The following FREM2 variants were observed in gnomAD, a reference collection of about 807,000 sequenced individuals.
FREM2 encodes the protein FRAS1 related extracellular matrix 2.
FREM2 carries 119 observed loss-of-function variants against 219.9 expected under a neutral mutation model. That is an observed-to-expected ratio of 0.54 (90% CI 0.47 to 0.63). FREM2 has a LOEUF of 0.63. FREM2 is among the 30% of genes least tolerant of loss of function. The pLI is 0.00. For synonymous variants in FREM2, 1,562 were observed against 1,522.8 expected, an observed-to-expected ratio of 1.03 and a Z score of -0.60; for missense variants, 4,030 against 3,993.6, an observed-to-expected ratio of 1.01 and a Z score of -0.25.
Position 38,847,498 on chromosome 13 carries a change from C to A in FREM2, c.6169+776C>A, listed in dbSNP as rs1877208494. On this transcript the variant is annotated intron_variant, in intron 7 of 23. Coordinates refer to ENST00000280481, the MANE Select transcript of FREM2 (RefSeq NM_207361.6). ...TTGCACGTAGCAGGTGCCCATTAAA[C>A]CTTTGTTTAACTAAATTAATCATTT... is the stretch of plus-strand genomic sequence containing the variant. Among the ~76,000 whole-genome samples, 3 of 151,944 alleles carry A rather than the reference C, an allele frequency of 2.0e-5. No individual in the cohort carries two copies. In the South Asian group the frequency reaches 6.2e-4, roughly 32 times the overall value.
chr13:38,761,285 A>G (rs1873214232), intron 2 of FREM2, among the ~76,000 whole-genome samples: 1 of 152,172 alleles, frequency 6.6e-6, no homozygotes, highest in Non-Finnish European at 1.5e-5. Context: ...TTGGTAGAGC[A>G]TGACAAGAAG....
At chr13:38,761,570 ATTAGTACAAT>A (rs1291521920) in intron 2 of FREM2, among the ~76,000 whole-genome samples, 1 of 152,244 alleles carries the variant, frequency 6.6e-6, no homozygotes, top group African/African-American at 2.4e-5. Flanking sequence ...ATTGATGTAA[ATTAGTACAAT>A]TTAGTACAAT....
chr13:38,833,050 A>G (rs1182347254), intron 6 of FREM2, among the ~76,000 whole-genome samples: 1 of 151,958 alleles, frequency 6.6e-6, no homozygotes, highest in Admixed American at 6.6e-5. Flanking sequence ...AAAAAAAAGC[A>G]AAAAAAAGTT....
At chr13:38,713,168 A>G (rs1242676205) in intron 2 of FREM2, among the ~76,000 whole-genome samples, 1 of 152,148 alleles carries the variant, frequency 6.6e-6, no homozygotes, top group Non-Finnish European at 1.5e-5. Context: ...CCCAACCTCA[A>G]ATTCCTCCAC....
Position 38,876,054 on chromosome 13 carries a change from G to C in FREM2, c.8314G>C (p.Asp2772His), listed in dbSNP as rs1566175497. ...TACAAGCTCAGTGATCATGTCAGCT[G>C]ATCATCCAGGCCTGACATTTTCCCT... ...SFTSSVIMSADHPGLTFSLRL... is the reference protein window; with the variant it reads ...SFTSSVIMSAHHPGLTFSLRL... The change falls in exon 19 of 24, where the codon GAT becomes CAT. Residue 2772 changes from aspartate (D) to histidine (H), a missense_variant. By Grantham distance (81) the Asp-to-His change is moderately conservative. Around this residue, in one of 2 missense-constraint regions of FREM2, gnomAD observed 928 missense variants for 1,042.9 expected, o/e 0.89. Transcript: ENST00000280481. The C allele has an allele frequency of 6.2e-7, 1 of 1,613,710 alleles. No individual in the cohort carries two copies. Among genetic ancestry groups the C allele is most frequent in the East Asian group, 2.2e-5 (1 of 44,874 alleles).
At chr13:38,874,273 G>T (rs1472681799) in intron 17 of FREM2, among the ~76,000 whole-genome samples, 1 of 152,116 alleles carries the variant, frequency 6.6e-6, no homozygotes, top group African/African-American at 2.4e-5. Context: ...CTTCACTCAT[G>T]TTACTTAATA....
chr13:38,807,829 A>G (rs1875309806), intron 6 of FREM2, among the ~76,000 whole-genome samples: 1 of 151,948 alleles, frequency 6.6e-6, no homozygotes. Flanking sequence ...AGGTTTTCTG[A>G]TTGGTAAATG....
intron 2 of FREM2, among the ~76,000 whole-genome samples, chr13:38,762,197 C>T (rs1044227521): frequency 2.6e-5 from 4 of 152,044 alleles, no homozygotes; most frequent in Admixed American, 2.0e-4. Flanking sequence ...ACCTGACTCT[C>T]CAGAAAAGGA....
chr13:38,780,147 T>C (rs1874061418), intron 4 of FREM2, among the ~76,000 whole-genome samples: 1 of 152,224 alleles, frequency 6.6e-6, no homozygotes. Flanking sequence ...ATGGCTAATT[T>C]GACATGTCAG....
At chr13:38,794,307 T>G (rs553153103) in intron 6 of FREM2, among the ~76,000 whole-genome samples, 51 of 152,210 alleles carry the variant, frequency 3.4e-4, no homozygotes, top group African/African-American at 1.2e-3. Flanking sequence ...GCAAAGAAGG[T>G]GCTAAAAAGA....
chr13:38,845,860 C>T (rs1237667052), intron 6 of FREM2, among the ~76,000 whole-genome samples: 1 of 152,046 alleles, frequency 6.6e-6, no homozygotes, highest in Non-Finnish European at 1.5e-5. Context: ...AATACGAAGA[C>T]CCCAAAGCAT....
intron 2 of FREM2, among the ~76,000 whole-genome samples, chr13:38,700,630 C>A (rs1377322527): frequency 6.6e-6 from 1 of 152,060 alleles, no homozygotes; most frequent in Non-Finnish European, 1.5e-5. Context: ...AGTATGATTT[C>A]TATTTGGCAG....
intron 6 of FREM2, among the ~76,000 whole-genome samples, chr13:38,839,768 G>T (rs372356843): frequency 6.6e-6 from 1 of 152,186 alleles, no homozygotes; most frequent in African/African-American, 2.4e-5. Flanking sequence ...GGGGAAAACC[G>T]CCTACTCAAG....
intron 15 of FREM2, among the ~76,000 whole-genome samples, chr13:38,862,181 A>T (rs959277914): frequency 6.6e-6 from 1 of 152,244 alleles, no homozygotes; most frequent in African/African-American, 2.4e-5. Flanking sequence ...TAATAAAATT[A>T]CTTGATATGT....
At chr13:38,721,852 A>G (rs1871279958) in intron 2 of FREM2, among the ~76,000 whole-genome samples, 1 of 152,156 alleles carries the variant, frequency 6.6e-6, no homozygotes, top group African/African-American at 2.4e-5. Context: ...TGATAATATA[A>G]TATTTGGAGA....
chr13:38,820,908 A>ACCG (rs1876021077), intron 6 of FREM2, among the ~76,000 whole-genome samples: 1 of 152,136 alleles, frequency 6.6e-6, no homozygotes, highest in African/African-American at 2.4e-5. Context: ...GAAAACATGT[A>ACCG]CCTCCATTAC....
chr13:38,728,977 A>G (rs541407739), intron 2 of FREM2, among the ~76,000 whole-genome samples: 2 of 152,318 alleles, frequency 1.3e-5, no homozygotes, highest in East Asian at 1.9e-4. Context: ...CTGGGATTAC[A>G]GGCATGCGCC....
At position 38,880,844 on chromosome 13, in the gene FREM2, A is replaced by G. The variant is rs2137943590; in HGVS notation, c.*57A>G. On this transcript the variant is annotated 3_prime_UTR_variant, in exon 24 of 24. Transcript: ENST00000280481. ...AGTGCCTCGGAAAAGATCACAATGG[A>G]ACCTTAAATACTTCTGGTAAACCAT... 1 of 1,581,986 alleles carries G rather than the reference A, an allele frequency of 6.3e-7. No homozygotes were observed. The highest frequency in any genetic ancestry group is 8.7e-7 in the Non-Finnish European group (1 of 1,152,854).
chr13:38,758,480 C>T (rs1396265112), intron 2 of FREM2, among the ~76,000 whole-genome samples: 1 of 152,186 alleles, frequency 6.6e-6, no homozygotes, highest in Non-Finnish European at 1.5e-5. Flanking sequence ...CCTCTCACAG[C>T]ATTTGCCAGG....
Sources: gnomAD v4.1 joint callset for allele counts (sites outside exome capture counted in the v4.1 genomes callset) on GRCh38, gnomAD v4.1.1 for gene constraint, gnomAD v4.1.1 regional missense constraint, MANE v1.5 for transcripts, NCBI Gene and HGNC (gene_info 2026-07-23, HGNC 2026-07-21) for gene names.